The following LSG1 variants were observed in gnomAD, a reference collection of about 807,000 sequenced individuals.
The protein encoded by LSG1 is large 60S subunit nuclear export GTPase 1.
Under a neutral mutation model 82.6 loss-of-function variants are expected in LSG1, and 55 were observed. The observed-to-expected ratio is 0.67, with a 90% confidence interval of 0.54 to 0.83. The LOEUF is 0.83. Ranked by LOEUF, LSG1 falls within the 40% of genes least tolerant of loss-of-function variation. The probability of loss-of-function intolerance (pLI) is 0.00; values close to 1 mark genes in which losing one functional copy is unlikely to be tolerated. For synonymous variants in LSG1, 272 were observed against 282.5 expected, an observed-to-expected ratio of 0.96 and a Z score of 0.37; for missense variants, 809 against 807.9, an observed-to-expected ratio of 1.00 and a Z score of -0.02.
At chr3:194,663,949 G>T (rs1718982173) in intron 5 of LSG1, among the ~76,000 whole-genome samples, 1 of 152,144 alleles carries the variant, frequency 6.6e-6, no homozygotes, top group Non-Finnish European at 1.5e-5. Flanking sequence ...AAATGTAAGT[G>T]ACTTTTACAA....
At chr3:194,650,030 G>A (rs958010842) in intron 10 of LSG1, among the ~76,000 whole-genome samples, 6 of 151,866 alleles carry the variant, frequency 4.0e-5, no homozygotes, top group Non-Finnish European at 5.9e-5. Flanking sequence ...AGAGATTATC[G>A]TGCCTCAGCC....
chr3:194,665,698 A>G lies in LSG1; in HGVS notation c.435-55T>C, dbSNP rs1719017776. 4 of 1,049,946 alleles carry G rather than the reference A, an allele frequency of 3.8e-6. No individual in the cohort carries two copies. In the East Asian group the frequency reaches 9.5e-5, roughly 25 times the overall value. 65.0% of individuals were successfully genotyped at this position (1,049,946 alleles called of 1,614,324 possible). ...TGCCAGATTATAATAGACAATTTTTAGCAGTGTAAATGCTCAAATTTATTA... is the reference window on the plus strand; with the variant it reads ...TGCCAGATTATAATAGACAATTTTTGGCAGTGTAAATGCTCAAATTTATTA... On this transcript the variant is annotated intron_variant, in intron 4 of 13. Transcript: ENST00000265245.
At chr3:194,662,506 T>C (rs1020734672) in intron 5 of LSG1, among the ~76,000 whole-genome samples, 1 of 152,220 alleles carries the variant, frequency 6.6e-6, no homozygotes, top group African/African-American at 2.4e-5. Flanking sequence ...CTCATGCCTG[T>C]AACCCCAGCA....
intron 6 of LSG1, 77 bp downstream of exon 6, chr3:194,659,996 C>CA (rs1718890531): frequency 1.6e-6 from 2 of 1,247,080 alleles, no homozygotes; most frequent in Non-Finnish European, 2.4e-6. Flanking sequence ...TGTATGCCTA[C>CA]AGTCATTGCT....
intron 5 of LSG1, chr3:194,660,906 T>A (rs1718913583): frequency 8.8e-6 from 4 of 456,346 alleles, no homozygotes; most frequent in East Asian, 1.4e-4. Context: ...GAAAAAAAAA[T>A]TCCCTTCTAT....
At chr3:194,643,623 CGTTT>C (rs1366973979) in intron 13 of LSG1, among the ~76,000 whole-genome samples, 3 of 152,146 alleles carry the variant, frequency 2.0e-5, no homozygotes, top group Non-Finnish European at 4.4e-5. Context: ...AGCACAGCCA[CGTTT>C]GGAAAGTTTG....
intron 7 of LSG1, 26 bp downstream of exon 7, chr3:194,658,931 C>T (rs754145951): frequency 2.6e-6 from 4 of 1,566,462 alleles, no homozygotes; most frequent in Admixed American, 1.9e-5. Context: ...TCTTTGAAAG[C>T]CAACCTAAAA....
intron 12 of LSG1, among the ~76,000 whole-genome samples, chr3:194,645,555 C>CACACACAG (rs1718521888): frequency 9.0e-5 from 4 of 44,498 alleles, no homozygotes; most frequent in African/African-American, 2.9e-4. Flanking sequence ...CACACACACA[C>CACACACAG]ACACACACAC....
chr3:194,651,756 G>A (rs1718679523), intron 8 of LSG1, among the ~76,000 whole-genome samples: 1 of 152,336 alleles, frequency 6.6e-6, no homozygotes, highest in South Asian at 2.1e-4. Flanking sequence ...AACTTGTAGA[G>A]AAGCTGAACT....
At chr3:194,657,200 G>A (rs555314297) in intron 7 of LSG1, among the ~76,000 whole-genome samples, 5 of 139,896 alleles carry the variant, frequency 3.6e-5, no homozygotes, top group Non-Finnish European at 7.7e-5. Context: ...AAAAAAAAAC[G>A]CTTGGCATAG....
At chr3:194,671,271 T>C (rs1174414910) in intron 1 of LSG1, among the ~76,000 whole-genome samples, 1 of 152,172 alleles carries the variant, frequency 6.6e-6, no homozygotes, top group Non-Finnish European at 1.5e-5. Flanking sequence ...GCTTCAAAGC[T>C]AATAAAAATT....
intron 5 of LSG1, 63 bp from the exon 6 acceptor site, chr3:194,660,196 A>C: frequency 7.7e-7 from 1 of 1,302,254 alleles, no homozygotes; most frequent in Non-Finnish European, 1.1e-6. Context: ...CTAACCACAT[A>C]ATAATGGCCA....
At chr3:194,645,415 G>A (rs1409263819) in intron 12 of LSG1, 1 of 152,036 alleles carries the variant, frequency 6.6e-6, no homozygotes, top group East Asian at 1.9e-4. Context: ...ACAGGGCCCT[G>A]TAATGCTTAT....
intron 7 of LSG1, among the ~76,000 whole-genome samples, chr3:194,655,946 A>G (rs1718781112): frequency 6.6e-6 from 1 of 152,236 alleles, no homozygotes; most frequent in Non-Finnish European, 1.5e-5. Flanking sequence ...CTGGCTAGCC[A>G]TATGTAGAAA....
chr3:194,658,937 T>C lies in LSG1; in HGVS notation c.759+20A>G. The C allele has an allele frequency of 6.3e-7, 1 of 1,576,490 alleles. No homozygotes were observed. The highest frequency in any genetic ancestry group is 8.6e-7 in the Non-Finnish European group (1 of 1,156,606). On this transcript the variant is annotated intron_variant, in intron 7 of 13. Transcript: ENST00000265245. ...AAAATTCCCTCTTTGAAAGCCAACCTAAAATGTCCCTCAGGTTACCTCAGA... is the reference window on the plus strand; with the variant it reads ...AAAATTCCCTCTTTGAAAGCCAACCCAAAATGTCCCTCAGGTTACCTCAGA...
chr3:194,657,542 G>C (rs1331811235), intron 7 of LSG1, among the ~76,000 whole-genome samples: 1 of 150,988 alleles, frequency 6.6e-6, no homozygotes, highest in African/African-American at 2.4e-5. Context: ...TCTGAAAGGG[G>C]ATGAACTAAC....
rs1273622596 is a variant in LSG1, at chr3:194,641,561, A to C, written c.*507T>G. On this transcript the variant is annotated 3_prime_UTR_variant, in exon 14 of 14. Coordinates refer to ENST00000265245, the MANE Select transcript of LSG1 (RefSeq NM_018385.3). ...GGAGGAACCCAACTAGGACACTCAGAATGGGGAATTTCTCTTTCACCTTCG... is the reference window on the plus strand; with the variant it reads ...GGAGGAACCCAACTAGGACACTCAGCATGGGGAATTTCTCTTTCACCTTCG... 1 of 152,406 alleles carries C rather than the reference A, an allele frequency of 6.6e-6. No homozygotes were observed. Among genetic ancestry groups the C allele is most frequent in the Non-Finnish European group, 1.5e-5 (1 of 68,226 alleles). The allele number at this position is 152,406 out of a possible 1,614,324, so 9.4% of individuals were successfully genotyped here. A position where few individuals can be genotyped will look rare whatever the true frequency, so the allele number is the denominator to read the frequency against.
In LSG1 at chr3:194,644,697, A is replaced by G. The variant is rs758846937; in HGVS notation, c.1673T>C (p.Phe558Ser). 4 of 1,610,104 alleles carry G rather than the reference A, an allele frequency of 2.5e-6. No individual in the cohort carries two copies. In the Admixed American group the frequency reaches 6.7e-5, roughly 27 times the overall value. ...HPPPGRDPVTFQHQHQRLLEN... is the reference protein window; with the variant it reads ...HPPPGRDPVTSQHQHQRLLEN... ...TAGGAGTCGCTGGTGTTGATGCTGA[A>G]AAGTTACAGGATCTCTTCCAGGAGG... is the stretch of plus-strand genomic sequence containing the variant. Residue 558 changes from phenylalanine (F) to serine (S), a missense_variant, in exon 13 of 14, where the codon TTT becomes TCT. By Grantham distance (155) the Phe-to-Ser change is radical (BLOSUM62 -2). Transcript: ENST00000265245.
chr3:194,657,167 A>G (rs1028512980), intron 7 of LSG1, among the ~76,000 whole-genome samples: 13 of 129,050 alleles, frequency 1.0e-4, no homozygotes, highest in Non-Finnish European at 1.8e-4. Context: ...AATTAAAAAG[A>G]AAAAAAAGGC....
Sources: allele counts gnomAD v4.1 joint callset (sites outside exome capture counted in the v4.1 genomes callset), GRCh38; gene constraint gnomAD v4.1.1; transcripts MANE v1.5; gene names NCBI Gene and HGNC (gene_info 2026-07-23, HGNC 2026-07-21).